SEC63: variants seen among roughly 807,000 people sequenced by gnomAD.
SEC63 encodes the protein SEC63 protein translocation regulator, also known as translocation protein SEC63 homolog.
SEC63 carries 56 observed loss-of-function variants against 116.2 expected under a neutral mutation model. The observed-to-expected ratio is 0.48, with a 90% CI of 0.39 to 0.60. SEC63 has a LOEUF of 0.60. Ranked by LOEUF, SEC63 falls within the 20% of genes least tolerant of loss-of-function variation. SEC63 has a pLI of 0.00. For synonymous variants in SEC63, 273 were observed against 294.6 expected, an observed-to-expected ratio of 0.93 and a Z score of 0.75; for missense variants, 668 against 900.0, an observed-to-expected ratio of 0.74 and a Z score of 3.30.
chr6:107,876,583 G>C lies in SEC63; in HGVS notation c.2015C>G (p.Thr672Arg). Reference sequence around the variant, plus strand: ...AGTTACCTCCTCTGTATCTTTCAGCGTACACACATGATATGGCATGGATAT... The same window carrying C: ...AGTTACCTCCTCTGTATCTTTCAGCCTACACACATGATATGGCATGGATAT... ...TLISMPYHVC[T>R]LKDTEEVELK... is the part of the protein sequence containing the mutation. Residue 672 changes from threonine to arginine, a missense_variant, in exon 19 of 21, where the codon ACG becomes AGG. By Grantham distance (71) the Thr-to-Arg change is moderately conservative. Coordinates refer to ENST00000369002, the MANE Select transcript of SEC63 (RefSeq NM_007214.5). 1 of 1,591,096 alleles carries C rather than the reference G, an allele frequency of 6.3e-7. No homozygotes were observed. The highest frequency in any genetic ancestry group is 8.6e-7 in the Non-Finnish European group (1 of 1,167,294).
chr6:107,939,641 T>C (rs993911652), intron 1 of SEC63, among the ~76,000 whole-genome samples: 4 of 152,000 alleles, frequency 2.6e-5, no homozygotes, highest in Non-Finnish European at 5.9e-5. Context: ...TTACTGGGGA[T>C]GCTGAAGCAG....
chr6:107,946,254 CA>C (rs1419518249), intron 1 of SEC63, among the ~76,000 whole-genome samples: 4 of 146,818 alleles, frequency 2.7e-5, no homozygotes, highest in African/African-American at 1.0e-4. Flanking sequence ...TTTTTTTAGA[CA>C]AGAGTCTCAC....
intron 1 of SEC63, among the ~76,000 whole-genome samples, chr6:107,947,388 G>A (rs1205971651): frequency 6.6e-6 from 1 of 152,058 alleles, no homozygotes; most frequent in Non-Finnish European, 1.5e-5. Flanking sequence ...CCACTCAACA[G>A]GAGACTGAGA....
At chr6:107,900,882 AT>A (rs1786985987) in intron 13 of SEC63, among the ~76,000 whole-genome samples, 1 of 152,106 alleles carries the variant, frequency 6.6e-6, no homozygotes, top group Non-Finnish European at 1.5e-5. Context: ...AATAGCCTTT[AT>A]TTTTTTCCCT....
At chr6:107,907,200 G>A (rs1344536340) in intron 8 of SEC63, among the ~76,000 whole-genome samples, 2 of 152,188 alleles carry the variant, frequency 1.3e-5, no homozygotes, top group African/African-American at 2.4e-5. Context: ...AAGGCCTTTT[G>A]TAAACCTAAT....
intron 16 of SEC63, among the ~76,000 whole-genome samples, chr6:107,883,800 C>CTTTT (rs1356530585): frequency 6.7e-6 from 1 of 150,088 alleles, no homozygotes; most frequent in African/African-American, 2.4e-5. Context: ...GAGCAAGACC[C>CTTTT]TATCTCAAAA....
chr6:107,957,850 T>C (rs1397289254), intron 1 of SEC63, 36 bp downstream of exon 1: 1 of 1,587,486 alleles, frequency 6.3e-7, no homozygotes, highest in Non-Finnish European at 8.6e-7. Context: ...TGGCGGGGCC[T>C]GCGCGGGTTC....
At chr6:107,933,675 C>T (rs911198583) in intron 1 of SEC63, among the ~76,000 whole-genome samples, 8 of 149,402 alleles carry the variant, frequency 5.4e-5, no homozygotes, top group African/African-American at 1.0e-4. Context: ...TGCCTCTGCC[C>T]CTGCCCCTGC....
At chr6:107,950,201 T>TA (rs1252325498) in intron 1 of SEC63, among the ~76,000 whole-genome samples, 1 of 152,184 alleles carries the variant, frequency 6.6e-6, no homozygotes, top group East Asian at 1.9e-4. Flanking sequence ...CATTACATAT[T>TA]AGTAAGAGGT....
At position 107,913,283 on chromosome 6, in the gene SEC63, A is replaced by T. The variant is rs892303784; in HGVS notation, c.514+83T>A. 12 of 935,810 alleles carry T rather than the reference A, an allele frequency of 1.3e-5. No homozygotes were observed. In the African/African-American group the frequency reaches 1.8e-4, roughly 14 times the overall value. 58.0% of individuals were successfully genotyped at this position (935,810 alleles called of 1,614,324 possible). On this transcript the variant is annotated intron_variant, in intron 5 of 20. Transcript: ENST00000369002. ...CATGTGAGTATAAGTTTAGTAAGAA[A>T]ATAATATTATTCCTTTAATCTGGTT...
At chr6:107,878,029 C>T (rs1157002731) in intron 18 of SEC63, among the ~76,000 whole-genome samples, 1 of 152,142 alleles carries the variant, frequency 6.6e-6, no homozygotes, top group Non-Finnish European at 1.5e-5. Context: ...TACATAACAG[C>T]CTCAAAGTGG....
chr6:107,885,129 C>T (rs1389236160), intron 16 of SEC63, among the ~76,000 whole-genome samples: 1 of 152,088 alleles, frequency 6.6e-6, no homozygotes, highest in Non-Finnish European at 1.5e-5. Context: ...ACTATCATCA[C>T]TCTGAATCAG....
intron 17 of SEC63, among the ~76,000 whole-genome samples, chr6:107,881,473 T>C (rs1332696327): frequency 2.0e-5 from 3 of 152,120 alleles, no homozygotes; most frequent in Non-Finnish European, 4.4e-5. Flanking sequence ...TATCTGACCC[T>C]AGCCTGCCTC....
intron 3 of SEC63, among the ~76,000 whole-genome samples, chr6:107,924,547 CAG>C (rs1283743971): frequency 1.3e-5 from 2 of 152,146 alleles, no homozygotes; most frequent in African/African-American, 4.8e-5. Context: ...GCCTGGGCTA[CAG>C]AGTGAGACTC....
At chr6:107,916,222 C>A (rs1178571552) in intron 4 of SEC63, among the ~76,000 whole-genome samples, 2 of 152,198 alleles carry the variant, frequency 1.3e-5, no homozygotes, top group Non-Finnish European at 2.9e-5. Flanking sequence ...TACCTGAAGA[C>A]AGCAATCAAG....
intron 4 of SEC63, 31 bp from the exon 5 acceptor site, chr6:107,913,458 A>G: frequency 2.0e-6 from 3 of 1,531,182 alleles, no homozygotes; most frequent in Non-Finnish European, 2.7e-6. Context: ...TTGCAAAATT[A>G]GAAAGCCACA....
intron 14 of SEC63, among the ~76,000 whole-genome samples, chr6:107,895,518 G>A (rs1786793493): frequency 6.6e-6 from 1 of 151,696 alleles, no homozygotes; most frequent in African/African-American, 2.4e-5. Context: ...AGACCAACCT[G>A]GCCAACACAG....
intron 4 of SEC63, among the ~76,000 whole-genome samples, chr6:107,915,341 A>G (rs1583752748): frequency 2.0e-5 from 3 of 152,218 alleles, no homozygotes; most frequent in East Asian, 3.9e-4. Flanking sequence ...TTTTGTATAC[A>G]ATTTCAGGGA....
intron 1 of SEC63, among the ~76,000 whole-genome samples, chr6:107,934,098 T>G (rs1236965129): frequency 2.0e-5 from 3 of 152,156 alleles, no homozygotes; most frequent in Admixed American, 6.5e-5. Context: ...CCGCCTGCCT[T>G]GGCCTCCCAA....
Sources: allele counts gnomAD v4.1 joint callset (sites outside exome capture counted in the v4.1 genomes callset), GRCh38; gene constraint gnomAD v4.1.1; transcripts MANE v1.5; gene names NCBI Gene and HGNC (gene_info 2026-07-23, HGNC 2026-07-21).